Variants in MCTP1 observed in about 807,000 individuals in gnomAD.
MCTP1 encodes multiple C2 and transmembrane domain containing 1, also known as multiple C2 and transmembrane domain-containing protein 1.
Under a neutral mutation model 120.6 loss-of-function variants are expected in MCTP1, and 69 were observed. The observed-to-expected ratio is 0.57, with a 90% CI of 0.47 to 0.70. The LOEUF is 0.70. Ranked by LOEUF, MCTP1 falls within the 30% of genes least tolerant of loss-of-function variation. MCTP1 has a pLI of 0.00. For missense variants in MCTP1, 1,203 were observed against 1,248.8 expected (o/e 0.96, Z 0.55); for synonymous variants, 529 against 493.1 (o/e 1.07, Z -0.96).
intron 12 of MCTP1, among the ~76,000 whole-genome samples, chr5:94,881,967 C>T (rs1477475806): frequency 6.6e-6 from 1 of 152,136 alleles, no homozygotes; most frequent in African/African-American, 2.4e-5. Flanking sequence ...CAACATTTCA[C>T]CTTTATTCAA....
chr5:95,202,755 T>C (rs1165237276), intron 1 of MCTP1, among the ~76,000 whole-genome samples: 1 of 151,888 alleles, frequency 6.6e-6, no homozygotes, highest in African/African-American at 2.4e-5. Context: ...TGAGATGGAG[T>C]CTTGCTCTGT....
intron 1 of MCTP1, among the ~76,000 whole-genome samples, chr5:95,159,470 C>T (rs1226879752): frequency 6.6e-6 from 1 of 152,164 alleles, no homozygotes; most frequent in Non-Finnish European, 1.5e-5. Flanking sequence ...AAAAGAATGT[C>T]ATATTCTATT....
At chr5:95,146,613 T>A (rs2347941) in intron 1 of MCTP1, among the ~76,000 whole-genome samples, 10 of 152,216 alleles carry the variant, frequency 6.6e-5, no homozygotes, top group African/African-American at 1.2e-4. Context: ...AGATTTTTTT[T>A]AAATTTTTGC....
chr5:95,215,937 C>G (rs905994421), intron 1 of MCTP1, among the ~76,000 whole-genome samples: 8 of 152,046 alleles, frequency 5.3e-5, no homozygotes, highest in Admixed American at 6.6e-5. Flanking sequence ...AATATACAAA[C>G]AAGAAAACCT....
intron 17 of MCTP1, among the ~76,000 whole-genome samples, chr5:94,805,354 C>A (rs1481814618): frequency 1.3e-5 from 2 of 152,176 alleles, no homozygotes; most frequent in South Asian, 4.2e-4. Context: ...AGGCCGGGCA[C>A]TGTGGCTCAT....
At chr5:95,203,925 G>C (rs1322930276) in intron 1 of MCTP1, among the ~76,000 whole-genome samples, 1 of 152,114 alleles carries the variant, frequency 6.6e-6, no homozygotes, top group African/African-American at 2.4e-5. Context: ...TCATCTTCAA[G>C]AAACATTTTT....
chr5:94,712,628 A>AT (rs1757479424), intron 20 of MCTP1, among the ~76,000 whole-genome samples: 2 of 151,842 alleles, frequency 1.3e-5, no homozygotes, highest in South Asian at 4.1e-4. Flanking sequence ...TGGTTATCCT[A>AT]TTTTCAGTAA....
chr5:94,924,249 A>G (rs1812439260), intron 6 of MCTP1, among the ~76,000 whole-genome samples: 1 of 152,080 alleles, frequency 6.6e-6, no homozygotes, highest in Admixed American at 6.6e-5. Flanking sequence ...GAGTCCACTT[A>G]CCTTTTCATT....
rs143888317 is a variant in MCTP1 at position 94,717,452 on chromosome 5, A to T, written c.2611-2566T>A. ...CAAAAGCTGGTAGCATTCCCCTTGA[A>T]ATCTGGCACAAGACAAGGATGCCCT... On this transcript the variant is annotated intron_variant, in intron 19 of 22. Coordinates refer to ENST00000515393, the MANE Select transcript of MCTP1 (RefSeq NM_024717.7). Among the ~76,000 whole-genome samples the T allele has an allele frequency of 3.2e-3, 486 of 152,250 alleles. 4 individuals carry two copies. The highest frequency in any genetic ancestry group is 8.5e-3 in the South Asian group (41 of 4,822).
rs1209229760 is a variant in MCTP1, at chr5:95,263,505, C to T, written c.720+20351G>A. Among the ~76,000 whole-genome samples the T allele has an allele frequency of 2.0e-5, 3 of 152,136 alleles. No homozygotes were observed. The East Asian group carries it at 5.8e-4, about 29-fold the overall frequency. The stretch of plus-strand genomic sequence containing the variant: ...TACAGATTGAGCTAAATCACTCTCA[C>T]CCACGCCCACTGCTCAAAATTTACA... On this transcript the variant is annotated intron_variant, in intron 1 of 22. Transcript: ENST00000515393.
intron 19 of MCTP1, among the ~76,000 whole-genome samples, chr5:94,765,920 A>G (rs866440394): frequency 1.3e-5 from 2 of 152,150 alleles, no homozygotes; most frequent in African/African-American, 4.8e-5. Flanking sequence ...ATTAGAAACT[A>G]TTATAGACAA....
intron 2 of MCTP1, among the ~76,000 whole-genome samples, chr5:95,000,254 T>G (rs1581769276): frequency 6.6e-6 from 1 of 152,332 alleles, no homozygotes; most frequent in East Asian, 1.9e-4. Context: ...CAAAACATAA[T>G]ACTTGAAAAT....
intron 1 of MCTP1, among the ~76,000 whole-genome samples, chr5:95,196,945 T>TA (rs1750463077): frequency 1.3e-5 from 2 of 152,162 alleles, no homozygotes; most frequent in African/African-American, 4.8e-5. Flanking sequence ...TTGATTTTTT[T>TA]AAAAAAATTA....
intron 1 of MCTP1, among the ~76,000 whole-genome samples, chr5:95,249,400 T>C (rs1179278207): frequency 6.6e-6 from 1 of 151,966 alleles, no homozygotes; most frequent in Non-Finnish European, 1.5e-5. Flanking sequence ...AAAAAACATA[T>C]GAAAAAATGC....
intron 1 of MCTP1, among the ~76,000 whole-genome samples, chr5:95,171,814 A>G (rs1456785184): frequency 6.6e-6 from 1 of 150,396 alleles, no homozygotes; most frequent in Non-Finnish European, 1.5e-5. Flanking sequence ...CATTCATCTC[A>G]TCTTTTTTCA....
intron 1 of MCTP1, among the ~76,000 whole-genome samples, chr5:95,277,953 C>T (rs1385485193): frequency 1.3e-5 from 2 of 151,848 alleles, no homozygotes; most frequent in African/African-American, 2.4e-5. Context: ...TATTGCAATA[C>T]AATCTCATTA....
At chr5:94,744,808 C>A (rs749428796) in intron 19 of MCTP1, among the ~76,000 whole-genome samples, 1 of 152,164 alleles carries the variant, frequency 6.6e-6, no homozygotes, top group Non-Finnish European at 1.5e-5. Context: ...CCGCGCCCAG[C>A]CACCAATAGG....
At chr5:95,263,261 G>C (rs951526033) in intron 1 of MCTP1, among the ~76,000 whole-genome samples, 1 of 152,180 alleles carries the variant, frequency 6.6e-6, no homozygotes, top group African/African-American at 2.4e-5. Flanking sequence ...TGAGGGACAG[G>C]ACGGTGGCAG....
intron 1 of MCTP1, among the ~76,000 whole-genome samples, chr5:95,133,855 T>C (rs1177380256): frequency 1.3e-5 from 2 of 152,202 alleles, no homozygotes; most frequent in African/African-American, 4.8e-5. Flanking sequence ...AAGGTCCATG[T>C]AGTAAGTTTC....
Sources: allele counts gnomAD v4.1 joint callset (sites outside exome capture counted in the v4.1 genomes callset), GRCh38; gene constraint gnomAD v4.1.1; transcripts MANE v1.5; gene names NCBI Gene and HGNC (gene_info 2026-07-23, HGNC 2026-07-21).